Variants in ROBO2 observed in about 807,000 individuals in gnomAD.
ROBO2 encodes roundabout homolog 2.
In ROBO2, 53 loss-of-function variants were observed where a neutral mutation model predicts 160.8. The observed-to-expected ratio is 0.33, with a 90% CI of 0.26 to 0.41. The LOEUF is 0.41. Ranked by LOEUF, ROBO2 falls within the 10% of genes least tolerant of loss-of-function variation. ROBO2 has a pLI of 1.00. For missense variants in ROBO2, 1,577 were observed against 1,722.4 expected, an observed-to-expected ratio of 0.92 and a Z score of 1.49; for synonymous variants, 664 against 611.7, an observed-to-expected ratio of 1.09 and a Z score of -1.26.
At chr3:76,062,752 T>C (rs1336834846) in intron 2 of ROBO2, among the ~76,000 whole-genome samples, 1 of 152,168 alleles carries the variant, frequency 6.6e-6, no homozygotes, top group Non-Finnish European at 1.5e-5. Flanking sequence ...TGTCAGAACA[T>C]AATCGTTGCT....
intron 2 of ROBO2, among the ~76,000 whole-genome samples, chr3:76,310,269 G>A (rs1224518696): frequency 1.3e-5 from 2 of 152,200 alleles, no homozygotes; most frequent in Non-Finnish European, 2.9e-5. Context: ...TGAGGAGCTT[G>A]TTGTATTTCC....
chr3:77,423,485 G>A (rs2153534312), intron 2 of ROBO2, among the ~76,000 whole-genome samples: 1 of 152,232 alleles, frequency 6.6e-6, no homozygotes, highest in Non-Finnish European at 1.5e-5. Context: ...CAACTGTTTT[G>A]ACCAAATATA....
At chr3:76,300,715 T>C (rs1379266082) in intron 2 of ROBO2, among the ~76,000 whole-genome samples, 1 of 152,124 alleles carries the variant, frequency 6.6e-6, no homozygotes, top group Non-Finnish European at 1.5e-5. Context: ...TATTTTAAAA[T>C]AGTTTAAATG....
chr3:76,184,420 A>G (rs1437432200), intron 2 of ROBO2, among the ~76,000 whole-genome samples: 1 of 152,148 alleles, frequency 6.6e-6, no homozygotes, highest in Admixed American at 6.6e-5. Flanking sequence ...AAGTTGGATG[A>G]CCAGCCCAGA....
At chr3:77,461,060 C>A (rs1330725011) in intron 2 of ROBO2, among the ~76,000 whole-genome samples, 1 of 152,002 alleles carries the variant, frequency 6.6e-6, no homozygotes, top group Non-Finnish European at 1.5e-5. Context: ...TAAACACCAT[C>A]TTTCATATGA....
exon 4 of ROBO2, chr3:77,481,210 A>T: frequency 6.4e-7 from 1 of 1,553,730 alleles, no homozygotes; most frequent in South Asian, 1.3e-5. Flanking sequence ...AGCAGAGCTG[A>T]CTGTCTTTGG....
chr3:77,149,104 C>A (rs1229304374), intron 2 of ROBO2, among the ~76,000 whole-genome samples: 1 of 147,766 alleles, frequency 6.8e-6, no homozygotes, highest in Non-Finnish European at 1.5e-5. Flanking sequence ...GGCATGATCT[C>A]AGCTCACTGC....
chr3:76,049,399 A>ATTTTTTTTTTTT (rs1204742605), intron 2 of ROBO2, among the ~76,000 whole-genome samples: 1 of 50,364 alleles, frequency 2.0e-5, no homozygotes, highest in African/African-American at 1.4e-4. Context: ...ATATATATAT[A>ATTTTTTTTTTTT]TATATTTTTT....
intron 23 of ROBO2, among the ~76,000 whole-genome samples, chr3:77,625,288 TA>T (rs1396695305): frequency 6.6e-6 from 1 of 152,174 alleles, no homozygotes; most frequent in African/African-American, 2.4e-5. Context: ...CTATTACTTC[TA>T]ATCACTTGGC....
At chr3:76,034,802 C>G (rs2067049202) in intron 2 of ROBO2, among the ~76,000 whole-genome samples, 1 of 152,096 alleles carries the variant, frequency 6.6e-6, no homozygotes, top group African/African-American at 2.4e-5. Context: ...CTGGTTCCAG[C>G]TATCATTCAT....
At chr3:76,211,274 C>A (rs748544863) in intron 2 of ROBO2, among the ~76,000 whole-genome samples, 1 of 152,008 alleles carries the variant, frequency 6.6e-6, no homozygotes, top group Non-Finnish European at 1.5e-5. Context: ...GAAAATTTTA[C>A]TCATAATTAA....
chr3:75,918,172 A>G (rs1946888074), intron 1 of ROBO2, among the ~76,000 whole-genome samples: 1 of 152,106 alleles, frequency 6.6e-6, no homozygotes, highest in African/African-American at 2.4e-5. Context: ...TTTAGGTTTT[A>G]CATTTATGTT....
At chr3:77,290,542 C>A (rs1336768979) in intron 2 of ROBO2, among the ~76,000 whole-genome samples, 1 of 7,120 alleles carries the variant, frequency 1.4e-4, no homozygotes, top group African/African-American at 1.8e-4. Context: ...TAGATCACCC[C>A]AGACATGAAG....
intron 2 of ROBO2, among the ~76,000 whole-genome samples, chr3:76,525,742 A>T (rs987105789): frequency 6.6e-6 from 1 of 152,036 alleles, no homozygotes; most frequent in Non-Finnish European, 1.5e-5. Flanking sequence ...CAGCCTTCAT[A>T]GTCATAGTAT....
intron 2 of ROBO2, among the ~76,000 whole-genome samples, chr3:76,361,766 A>G (rs1024896057): frequency 1.3e-5 from 2 of 152,112 alleles, no homozygotes; most frequent in African/African-American, 4.8e-5. Context: ...TTGAAAAGAA[A>G]CACACCGTGA....
intron 2 of ROBO2, among the ~76,000 whole-genome samples, chr3:76,886,546 G>A (rs1348865244): frequency 1.3e-5 from 2 of 152,138 alleles, no homozygotes; most frequent in African/African-American, 4.8e-5. Flanking sequence ...TGCACTTCCG[G>A]TAGATGCTGT....
At chr3:77,348,689 G>A (rs945339377) in intron 2 of ROBO2, among the ~76,000 whole-genome samples, 3 of 152,026 alleles carry the variant, frequency 2.0e-5, no homozygotes, top group African/African-American at 7.2e-5. Context: ...CTTTGCCACT[G>A]CCTAAAGTCA....
intron 4 of ROBO2, among the ~76,000 whole-genome samples, chr3:77,487,659 C>A (rs1560975081): frequency 6.6e-6 from 1 of 152,162 alleles, no homozygotes; most frequent in South Asian, 2.1e-4. Context: ...GGCCATCTGA[C>A]TTCCAATTTA....
chr3:77,568,562 T>A, intron 13 of ROBO2, 128 bp downstream of exon 14: 1 of 1,082,092 alleles, frequency 9.2e-7, no homozygotes, highest in Non-Finnish European at 1.4e-6. Flanking sequence ...TAATCAATGA[T>A]AGTAAAGAAA....
Sources: allele counts gnomAD v4.1 joint callset (sites outside exome capture counted in the v4.1 genomes callset), GRCh38; gene constraint gnomAD v4.1.1; transcripts MANE v1.5; gene names NCBI Gene and HGNC (gene_info 2026-07-23, HGNC 2026-07-21).